TSPAN5: variants seen among roughly 807,000 people sequenced by gnomAD.
TSPAN5 encodes the protein tetraspanin-5.
In TSPAN5, 10 loss-of-function variants were observed where a neutral mutation model predicts 37.1. The ratio of observed to expected loss-of-function variants is 0.27; its 90% CI spans 0.17 to 0.46. The LOEUF is 0.46. TSPAN5 is among the 20% of genes least tolerant of loss of function. TSPAN5 has a pLI of 1.00. For synonymous variants in TSPAN5, 110 were observed against 118.9 expected (o/e 0.93, Z 0.48); for missense variants, 195 against 326.6 (o/e 0.60, Z 3.11).
rs17027631 is a variant in TSPAN5, at chr4:98,508,161, C to T, written c.82-433G>A. 3.9e-5 allele frequency among the ~76,000 whole-genome samples: 6 copies of T among 152,238 alleles called. No homozygotes were observed. In the East Asian group the frequency reaches 5.8e-4, roughly 15 times the overall value. ...AGCCATTACAAATGGGCCAGGTCAG[C>T]GAGGGGCATGTAGAGCCTTGGATGT... On this transcript the variant is annotated intron_variant, in intron 1 of 7. Transcript: ENST00000305798.
At chr4:98,491,160 A>G (rs891184493) in intron 2 of TSPAN5, among the ~76,000 whole-genome samples, 2 of 152,200 alleles carry the variant, frequency 1.3e-5, no homozygotes, top group African/African-American at 4.8e-5. Context: ...TAGCATGTGC[A>G]TTACCTCACA....
At chr4:98,606,795 C>T (rs906987145) in intron 1 of TSPAN5, among the ~76,000 whole-genome samples, 4 of 152,126 alleles carry the variant, frequency 2.6e-5, no homozygotes, top group African/African-American at 4.8e-5. Context: ...GGTAAAGAAA[C>T]GTCATTTGGT....
At chr4:98,534,359 G>A (rs1300975859) in intron 1 of TSPAN5, among the ~76,000 whole-genome samples, 1 of 152,168 alleles carries the variant, frequency 6.6e-6, no homozygotes, top group Non-Finnish European at 1.5e-5. Context: ...GTTCTAATTT[G>A]ACTGCACTGT....
At chr4:98,609,880 A>C (rs566194568) in intron 1 of TSPAN5, among the ~76,000 whole-genome samples, 170 of 152,260 alleles carry the variant, frequency 1.1e-3, no homozygotes, top group African/African-American at 3.9e-3. Flanking sequence ...AGGGGAGGGC[A>C]AAGGTAAGTC....
intron 1 of TSPAN5, among the ~76,000 whole-genome samples, chr4:98,572,793 C>G (rs1250442722): frequency 1.3e-5 from 2 of 152,202 alleles, no homozygotes; most frequent in Non-Finnish European, 2.9e-5. Context: ...GTTGTAAATA[C>G]ATTTCCCTCA....
intron 1 of TSPAN5, among the ~76,000 whole-genome samples, chr4:98,647,392 A>C (rs1284083857): frequency 6.6e-6 from 1 of 152,250 alleles, no homozygotes; most frequent in Non-Finnish European, 1.5e-5. Context: ...TTATGCTTTG[A>C]GAAATGCTTA....
At chr4:98,520,811 T>G (rs1001218331) in intron 1 of TSPAN5, among the ~76,000 whole-genome samples, 6 of 152,330 alleles carry the variant, frequency 3.9e-5, no homozygotes, top group African/African-American at 1.2e-4. Context: ...GGCTGTGTCA[T>G]CTGGTACCTG....
intron 1 of TSPAN5, among the ~76,000 whole-genome samples, chr4:98,515,235 T>C (rs1164557021): frequency 1.3e-5 from 2 of 151,954 alleles, no homozygotes; most frequent in Non-Finnish European, 2.9e-5. Flanking sequence ...CACTGGAGGG[T>C]TTCTTGACTT....
chr4:98,646,799 AAAG>A (rs1757078720), intron 1 of TSPAN5, among the ~76,000 whole-genome samples: 1 of 152,202 alleles, frequency 6.6e-6, no homozygotes, highest in South Asian at 2.1e-4. Flanking sequence ...AATGATTCTG[AAAG>A]AAGGGAAAAC....
At chr4:98,606,579 G>T (rs1343711117) in intron 1 of TSPAN5, among the ~76,000 whole-genome samples, 5 of 152,116 alleles carry the variant, frequency 3.3e-5, no homozygotes, top group African/African-American at 1.2e-4. Context: ...AACATACTTT[G>T]AAGTATTTAT....
rs891684732 is a variant in TSPAN5, at chr4:98,476,530, A to G, written c.577-70T>C. On this transcript the variant is annotated intron_variant, in intron 5 of 7. Transcript: ENST00000305798. ...AGAAAGCCCACCTAGAAATGAGCAG[A>G]AGACTTCTGTTACGCATTAGTAATA... 233 of 1,464,222 alleles carry G rather than the reference A, an allele frequency of 1.6e-4. 1 individual carries two copies. Among genetic ancestry groups the G allele is most frequent in the Non-Finnish European group, 5.3e-5 (56 of 1,048,024 alleles). 90.7% of individuals were successfully genotyped at this position (1,464,222 alleles called of 1,614,324 possible).
At chr4:98,545,315 TG>T (rs1415653777) in intron 1 of TSPAN5, among the ~76,000 whole-genome samples, 3 of 152,222 alleles carry the variant, frequency 2.0e-5, no homozygotes, top group Admixed American at 2.0e-4. Flanking sequence ...CAACTGGAAA[TG>T]GCCAATGCCA....
At chr4:98,640,341 T>C (rs556035223) in intron 1 of TSPAN5, among the ~76,000 whole-genome samples, 1 of 152,322 alleles carries the variant, frequency 6.6e-6, no homozygotes, top group African/African-American at 2.4e-5. Context: ...AATTAGTAAT[T>C]ATGGGATAGC....
chr4:98,608,980 G>A (rs1167868279), intron 1 of TSPAN5, among the ~76,000 whole-genome samples: 1 of 152,082 alleles, frequency 6.6e-6, no homozygotes, highest in East Asian at 1.9e-4. Context: ...ACTGAGCAAG[G>A]TATCTCTTAT....
chr4:98,522,718 T>C (rs1753881456), intron 1 of TSPAN5, among the ~76,000 whole-genome samples: 1 of 152,186 alleles, frequency 6.6e-6, no homozygotes, highest in African/African-American at 2.4e-5. Flanking sequence ...CCACATAAAA[T>C]GTTCTATACA....
chr4:98,509,639 G>A (rs1261950863), intron 1 of TSPAN5, among the ~76,000 whole-genome samples: 3 of 152,046 alleles, frequency 2.0e-5, no homozygotes, highest in Non-Finnish European at 4.4e-5. Context: ...AAGATTTCTC[G>A]TTTTACTATC....
chr4:98,538,025 G>C (rs965622871), intron 1 of TSPAN5, among the ~76,000 whole-genome samples: 5 of 152,234 alleles, frequency 3.3e-5, no homozygotes, highest in African/African-American at 1.2e-4. Flanking sequence ...TCACGGCCTG[G>C]GGACTTTGGC....
At chr4:98,519,883 C>G (rs1286143137) in intron 1 of TSPAN5, among the ~76,000 whole-genome samples, 1 of 152,152 alleles carries the variant, frequency 6.6e-6, no homozygotes, top group Non-Finnish European at 1.5e-5. Context: ...CTTGTCAGTC[C>G]TCTACTTCTT....
At chr4:98,649,803 G>A (rs1202068856) in intron 1 of TSPAN5, among the ~76,000 whole-genome samples, 1 of 152,196 alleles carries the variant, frequency 6.6e-6, no homozygotes, top group East Asian at 1.9e-4. Flanking sequence ...GCTGCTCTTC[G>A]GATGGTTAGA....
Sources: gnomAD v4.1 joint callset for allele counts (sites outside exome capture counted in the v4.1 genomes callset) on GRCh38, gnomAD v4.1.1 for gene constraint, MANE v1.5 for transcripts, NCBI Gene and HGNC (gene_info 2026-07-23, HGNC 2026-07-21) for gene names.